The following MBD5 variants were observed in gnomAD, a reference collection of about 807,000 sequenced individuals.
MBD5 encodes methyl-CpG-binding domain protein 5.
Under a neutral mutation model 117.3 loss-of-function variants are expected in MBD5, and 13 were observed. That is an observed-to-expected ratio of 0.11 (90% CI 0.07 to 0.18). The LOEUF (loss-of-function observed/expected upper bound fraction) is 0.18, where lower values mean the gene tolerates loss of function less well. Among genes scored for constraint, MBD5 ranks in the 10% least tolerant of loss-of-function variants. MBD5 has a pLI of 1.00. For synonymous variants in MBD5, 727 were observed against 766.4 expected (o/e 0.95, Z 0.85); for missense variants, 1,879 against 2,093.8 (o/e 0.90, Z 2.00).
chr2:148,232,730 T>C (rs952486710), intron 2 of MBD5, among the ~76,000 whole-genome samples: 11 of 152,040 alleles, frequency 7.2e-5, no homozygotes, highest in Non-Finnish European at 1.6e-4. Flanking sequence ...TAATGTCCTA[T>C]ATTATATTTT....
intron 13 of MBD5, among the ~76,000 whole-genome samples, chr2:148,511,978 G>A (rs2105289629): frequency 6.6e-6 from 1 of 152,296 alleles, no homozygotes; most frequent in Non-Finnish European, 1.5e-5. Flanking sequence ...TAAGTCCTGT[G>A]ACATAAGGTT....
chr2:148,121,892 T>C (rs1696776896), intron 1 of MBD5, among the ~76,000 whole-genome samples: 1 of 152,134 alleles, frequency 6.6e-6, no homozygotes, highest in South Asian at 2.1e-4. Context: ...GAGACAGATA[T>C]TATATTTTCT....
At position 148,417,728 on chromosome 2, in the gene MBD5, TC is replaced by T. The variant is rs370398049; in HGVS notation, c.-556-40474del. On this transcript the variant is annotated intron_variant, in intron 4 of 13. Transcript: ENST00000642680. ...TTATTAATTATGTCGAGTATTTTTT[TC>T]ATATGTTTTTTCGCCATTTGTATAT... 2.4e-4 allele frequency among the ~76,000 whole-genome samples: 37 copies of T among 152,278 alleles called. No individual in the cohort carries two copies. In the East Asian group the frequency reaches 6.6e-3, roughly 27 times the overall value.
chr2:148,404,549 T>TA (rs1705020613), intron 4 of MBD5, among the ~76,000 whole-genome samples: 2 of 152,212 alleles, frequency 1.3e-5, no homozygotes, highest in Admixed American at 6.5e-5. Flanking sequence ...ACTCTTCAGA[T>TA]ACGTTTCCTC....
chr2:148,416,131 T>A (rs1469377224), intron 4 of MBD5, among the ~76,000 whole-genome samples: 3 of 152,042 alleles, frequency 2.0e-5, no homozygotes, highest in Non-Finnish European at 4.4e-5. Flanking sequence ...CTGGATAGGG[T>A]TTCTTTGCTT....
chr2:148,065,466 G>C (rs1434303480), intron 1 of MBD5, among the ~76,000 whole-genome samples: 1 of 152,160 alleles, frequency 6.6e-6, no homozygotes, highest in African/African-American at 2.4e-5. Flanking sequence ...AGCATGCTCT[G>C]TTGTGTGGCG....
chr2:148,489,774 A>G lies in MBD5; in HGVS notation c.4142A>G (p.Asn1381Ser), dbSNP rs750103023. The G allele has an allele frequency of 1.9e-6, 3 of 1,614,156 alleles. No homozygotes were observed. Among genetic ancestry groups the G allele is most frequent in the Non-Finnish European group, 2.5e-6 (3 of 1,180,012 alleles). Residue 1381 changes from asparagine (N) to serine (S), a missense_variant, in exon 11 of 14, where the codon AAC (asparagine) becomes AGC (serine). Around this residue, in one of 4 missense-constraint regions of MBD5, gnomAD observed 1,666 missense variants for 1,792.2 expected, o/e 0.93. Transcript: ENST00000642680. ...SAVSAVIHGR[N>S]MGGVDHDGRL... ...GTCAGTGCGGTCATTCATGGACGGA[A>G]CATGGGAGGTGTTGATCATGATGGT...
chr2:148,348,880 A>G (rs1237803257), intron 4 of MBD5, among the ~76,000 whole-genome samples: 1 of 151,974 alleles, frequency 6.6e-6, no homozygotes, highest in Non-Finnish European at 1.5e-5. Context: ...AATGTACATA[A>G]CAGCCCCTGG....
chr2:148,395,034 C>A (rs2105024097), intron 4 of MBD5, among the ~76,000 whole-genome samples: 1 of 152,178 alleles, frequency 6.6e-6, no homozygotes, highest in South Asian at 2.1e-4. Context: ...GGATGTGGAA[C>A]AGAAAACCCA....
chr2:148,441,915 T>C (rs1297116279), intron 4 of MBD5, among the ~76,000 whole-genome samples: 2 of 152,220 alleles, frequency 1.3e-5, no homozygotes, highest in Non-Finnish European at 2.9e-5. Context: ...TTTTGAGAAG[T>C]GTCTGTTCAT....
chr2:148,152,972 T>C (rs1371199770), intron 1 of MBD5, among the ~76,000 whole-genome samples: 3 of 152,014 alleles, frequency 2.0e-5, no homozygotes, highest in African/African-American at 7.3e-5. Flanking sequence ...GTGAATTTGA[T>C]CCTGTCATTA....
At chr2:148,116,018 AT>A (rs1177568921) in intron 1 of MBD5, among the ~76,000 whole-genome samples, 1 of 151,314 alleles carries the variant, frequency 6.6e-6, no homozygotes, top group Non-Finnish European at 1.5e-5. Flanking sequence ...TAACTTTTGT[AT>A]TTTTTTTAGA....
rs138234586 is a variant in MBD5, at chr2:148,370,592, G to T, written c.-557+28256G>T. ...CAACCTCTGCCCACTGGGCTCAAGT[G>T]ATCCTGCTGCCTCAGCCTCCCAAGT... On this transcript the variant is annotated intron_variant, in intron 4 of 13. Transcript: ENST00000642680. 1.4e-3 allele frequency among the ~76,000 whole-genome samples: 209 copies of T among 152,232 alleles called. 2 individuals carry two copies. In the East Asian group the frequency reaches 0.028, roughly 21 times the overall value.
At chr2:148,056,354 T>C (rs1416462698) in intron 1 of MBD5, among the ~76,000 whole-genome samples, 1 of 152,176 alleles carries the variant, frequency 6.6e-6, no homozygotes, top group Admixed American at 6.5e-5. Context: ...TTGCTTTTTG[T>C]GGGCTAGAAT....
chr2:148,412,409 T>A (rs1438460592), intron 4 of MBD5, among the ~76,000 whole-genome samples: 1 of 151,936 alleles, frequency 6.6e-6, no homozygotes, highest in East Asian at 1.9e-4. Context: ...CCACCTTTGT[T>A]CCTTTTACTT....
intron 1 of MBD5, among the ~76,000 whole-genome samples, chr2:148,129,591 G>A (rs1696987380): frequency 6.6e-6 from 1 of 152,270 alleles, no homozygotes. Flanking sequence ...ATTGTACAAA[G>A]AAGGTTGTCA....
At chr2:148,213,740 A>T (rs1699485742) in intron 2 of MBD5, among the ~76,000 whole-genome samples, 1 of 152,188 alleles carries the variant, frequency 6.6e-6, no homozygotes. Flanking sequence ...TTTTAACTAC[A>T]TAAATACAAC....
intron 1 of MBD5, among the ~76,000 whole-genome samples, chr2:148,089,755 T>G (rs1029650915): frequency 2.0e-5 from 3 of 151,778 alleles, no homozygotes; most frequent in African/African-American, 7.3e-5. Context: ...AGAGCACAAA[T>G]AGACGATCTA....
At chr2:148,501,505 G>T (rs1265350082) in intron 11 of MBD5, among the ~76,000 whole-genome samples, 1 of 152,174 alleles carries the variant, frequency 6.6e-6, no homozygotes, top group African/African-American at 2.4e-5. Context: ...CTTAGATTGT[G>T]TGTGTGTGTG....
Sources: allele counts gnomAD v4.1 joint callset (sites outside exome capture counted in the v4.1 genomes callset), GRCh38; gene constraint gnomAD v4.1.1; regional missense constraint gnomAD v4.1.1; transcripts MANE v1.5; gene names NCBI Gene and HGNC (gene_info 2026-07-23, HGNC 2026-07-21).